The following CTNNB1 variants were observed in gnomAD, a reference collection of about 807,000 sequenced individuals.
CTNNB1 encodes catenin beta 1, also known as catenin beta-1.
In CTNNB1, 6 loss-of-function variants were observed where a neutral mutation model predicts 82.5. The ratio of observed to expected loss-of-function variants is 0.07; its 90% CI spans 0.04 to 0.14. The LOEUF is 0.14. Among genes scored for constraint, CTNNB1 ranks in the 10% least tolerant of loss-of-function variants. The pLI is 1.00. For synonymous variants in CTNNB1, 312 were observed against 329.7 expected (o/e 0.95, Z 0.58); for missense variants, 529 against 980.4 (o/e 0.54, Z 6.15).
At chr3:41,217,346 T>A (rs1394556806) in intron 1 of CTNNB1, among the ~76,000 whole-genome samples, 2 of 152,222 alleles carry the variant, frequency 1.3e-5, no homozygotes, top group African/African-American at 2.4e-5. Flanking sequence ...TTAAATTGCT[T>A]AATTCCCTAA....
intron 2 of CTNNB1, 68 bp from the exon 3 acceptor site, chr3:41,224,458 G>C (rs1415289709): frequency 4.9e-6 from 7 of 1,426,660 alleles, no homozygotes; most frequent in Non-Finnish European, 5.8e-6. Flanking sequence ...TCATATCACA[G>C]ATTCTTTTTT....
chr3:41,204,583 A>G (rs1398959559), intron 1 of CTNNB1, among the ~76,000 whole-genome samples: 1 of 152,230 alleles, frequency 6.6e-6, no homozygotes, highest in East Asian at 1.9e-4. Flanking sequence ...GCAGCCAGTC[A>G]TAAGCAGCTC....
chr3:41,220,430 C>G (rs750472575), intron 1 of CTNNB1: 6 of 128,396 alleles, frequency 4.7e-5, no homozygotes, highest in African/African-American at 1.7e-4. Flanking sequence ...CCCCCCTCCC[C>G]GAAGAAAGCT....
intron 1 of CTNNB1, among the ~76,000 whole-genome samples, chr3:41,214,249 C>T (rs1463339767): frequency 6.6e-6 from 1 of 152,144 alleles, no homozygotes; most frequent in African/African-American, 2.4e-5. Flanking sequence ...CAGGGCCCTT[C>T]CCCAGCCCCT....
intron 7 of CTNNB1, among the ~76,000 whole-genome samples, chr3:41,230,137 C>T (rs1575324348): frequency 6.6e-6 from 1 of 152,186 alleles, no homozygotes; most frequent in East Asian, 1.9e-4. Flanking sequence ...GAGAGAAAGA[C>T]ATTATGATTG....
At chr3:41,221,938 G>A (rs1240147477) in intron 1 of CTNNB1, 3 of 151,956 alleles carry the variant, frequency 2.0e-5, no homozygotes, top group African/African-American at 7.3e-5. Context: ...CTCAATTTTA[G>A]TTTCTATTCA....
At chr3:41,232,469 AC>A (rs2078333680) in intron 7 of CTNNB1, among the ~76,000 whole-genome samples, 1 of 152,114 alleles carries the variant, frequency 6.6e-6, no homozygotes, top group Non-Finnish European at 1.5e-5. Context: ...CAGCAGATAG[AC>A]CTCATCTGAG....
At chr3:41,208,228 C>T (rs1559456275) in intron 1 of CTNNB1, among the ~76,000 whole-genome samples, 1 of 150,500 alleles carries the variant, frequency 6.6e-6, no homozygotes, top group East Asian at 1.9e-4. Flanking sequence ...ACCTGTGTCA[C>T]TAAGTTTACT....
intron 1 of CTNNB1, chr3:41,211,093 C>T (rs1319167105): frequency 8.8e-6 from 4 of 456,302 alleles, no homozygotes; most frequent in African/African-American, 8.0e-5. Flanking sequence ...ATGTCTGGCC[C>T]ACTGTACTTT....
At chr3:41,235,639 A>C (rs998646032) in intron 10 of CTNNB1, 85 bp from the exon 11 acceptor site, 31 of 1,566,326 alleles carry the variant, frequency 2.0e-5, no homozygotes, top group Non-Finnish European at 2.7e-5. Flanking sequence ...TCGGGTATAT[A>C]ATGTAAATAA....
At chr3:41,236,868 G>T in intron 13 of CTNNB1, 159 bp downstream of exon 13, 1 of 856,170 alleles carries the variant, frequency 1.2e-6, no homozygotes, top group Non-Finnish European at 1.9e-6. Flanking sequence ...CTCTGAGGAA[G>T]AACTATAATA....
Position 41,224,919 on chromosome 3 carries a change from C to CTGTG in CTNNB1, c.242-34_242-31dup, listed in dbSNP as rs745928417. ...AGCAAATACTTAGGTAAATGCTGAA[C>CTGTG]TGTGGATAGTGAGTGTTGAATTAAC... On this transcript the variant is annotated intron_variant, in intron 3 of 14. Transcript: ENST00000349496. 7.9e-5 allele frequency: 128 copies of CTGTG among 1,614,026 alleles called. 1 individual carries two copies. The African/African-American group carries it at 1.4e-3, about 17-fold the overall frequency.
intron 14 of CTNNB1, among the ~76,000 whole-genome samples, chr3:41,238,841 CAG>C (rs917687054): frequency 3.2e-4 from 49 of 152,266 alleles, no homozygotes; most frequent in African/African-American, 1.0e-3. Flanking sequence ...AGTCTCTTGA[CAG>C]GGGTAAATGC....
chr3:41,228,849 C>T (rs1222796277), intron 7 of CTNNB1, among the ~76,000 whole-genome samples: 3 of 152,092 alleles, frequency 2.0e-5, no homozygotes, highest in African/African-American at 7.2e-5. Context: ...AGAGTTTTTA[C>T]AGTTTTAAGT....
At chr3:41,238,178 A>G (rs888115120) in intron 14 of CTNNB1, 102 bp downstream of exon 14, 2 of 991,592 alleles carry the variant, frequency 2.0e-6, no homozygotes, top group Non-Finnish European at 3.3e-6. Context: ...GTGTTGGCAG[A>G]AAAGTAGTGG....
intron 6 of CTNNB1, 143 bp from the exon 7 acceptor site, chr3:41,227,065 G>T: frequency 2.8e-6 from 2 of 704,034 alleles, no homozygotes; most frequent in Admixed American, 2.3e-5. Flanking sequence ...GGGGGTCTGA[G>T]TGATGGGGTC....
rs1207330730 is a variant in CTNNB1, at chr3:41,239,986, CTTTTT to C, written c.*665_*669del. The C allele has an allele frequency of 0.1, 3,355 of 32,720 alleles. 67 individuals carry two copies. Among genetic ancestry groups the C allele is most frequent in the Admixed American group, 0.23 (466 of 2,004 alleles). 2.0% of individuals were successfully genotyped at this position (32,720 alleles called of 1,614,324 possible). On this transcript the variant is annotated 3_prime_UTR_variant, in exon 15 of 15. Transcript: ENST00000349496. ...TGACTTTGCTTGCTTTGAAGTAGCT[CTTTTT>C]TTTTTTTTTTTTTTTTTTTTGCAGT...
intron 12 of CTNNB1, 30 bp from the exon 13 acceptor site, chr3:41,236,555 TTCC>T: frequency 6.2e-7 from 1 of 1,614,168 alleles, no homozygotes; most frequent in Non-Finnish European, 8.5e-7. Context: ...GTCTCAGTTT[TTCC>T]TCAAGGGCCT....
At chr3:41,226,351 A>G (rs1444684744) in intron 6 of CTNNB1, among the ~76,000 whole-genome samples, 1 of 152,194 alleles carries the variant, frequency 6.6e-6, no homozygotes, top group Non-Finnish European at 1.5e-5. Context: ...CTAATATTTA[A>G]TTTGTGTAGT....
Sources: gnomAD v4.1 joint callset for allele counts (sites outside exome capture counted in the v4.1 genomes callset) on GRCh38, gnomAD v4.1.1 for gene constraint, MANE v1.5 for transcripts, NCBI Gene and HGNC (gene_info 2026-07-23, HGNC 2026-07-21) for gene names.